PJVK: variants seen among roughly 807,000 people sequenced by gnomAD.
PJVK encodes the protein autosomal recessive deafness type 59 protein.
PJVK carries 33 observed loss-of-function variants against 37.6 expected under a neutral mutation model. The ratio of observed to expected loss-of-function variants is 0.88; its 90% CI spans 0.67 to 1.17. The LOEUF (loss-of-function observed/expected upper bound fraction) is 1.17, where lower values mean the gene tolerates loss of function less well. PJVK is among the 50% of genes most tolerant of loss of function. PJVK has a pLI of 0.00. For synonymous variants in PJVK, 141 were observed against 143.5 expected, an observed-to-expected ratio of 0.98 and a Z score of 0.13; for missense variants, 410 against 413.8, an observed-to-expected ratio of 0.99 and a Z score of 0.08.
At position 178,456,236 on chromosome 2, in the gene PJVK, T is replaced by G. The variant is rs969784158; in HGVS notation, c.549+85T>G. ...AGTATTGAATTTCTAGTCAGGCTTG[T>G]GTATTTTGTGAAATGTTCTGATGAA... On this transcript the variant is annotated intron_variant, in intron 4 of 6. Coordinates refer to ENST00000644580, the MANE Select transcript of PJVK (RefSeq NM_001042702.5). 5.9e-6 allele frequency: 9 copies of G among 1,532,980 alleles called. No homozygotes were observed. The African/African-American group carries it at 1.2e-4, about 21-fold the overall frequency. The allele number at this position is 1,532,980 out of a possible 1,614,324, so 95.0% of individuals were successfully genotyped here.
rs375687411 is a variant in PJVK at position 178,453,544 on chromosome 2, G to A, written c.135G>A (p.Leu45=). The A allele has an allele frequency of 6.2e-7, 1 of 1,614,084 alleles. No homozygotes were observed. Among genetic ancestry groups the A allele is most frequent in the South Asian group, 1.1e-5 (1 of 91,078 alleles). Residue 45 remains leucine (L), a synonymous_variant, in exon 2 of 7, where the codon CTG becomes CTA. Transcript: ENST00000644580. ...TGGTAAAAAAGAAGCGATGCTTTCT[G>A]TTTCCTAGATATAAATTTACTTCAA... ...SLVVKKKRCF[L]FPRYKFTSTP... is the part of the protein sequence containing the mutation.
chr2:178,458,330 G>A (rs1367991041), intron 4 of PJVK, among the ~76,000 whole-genome samples, 180 bp from the exon 5 acceptor site: 1 of 152,148 alleles, frequency 6.6e-6, no homozygotes, highest in Non-Finnish European at 1.5e-5. Flanking sequence ...TAGACCAGGA[G>A]TTTCTGTTGG....
At chr2:178,460,521 G>A in intron 6 of PJVK, 75 bp downstream of exon 6, 2 of 1,337,348 alleles carry the variant, frequency 1.5e-6, no homozygotes, top group East Asian at 2.4e-5. Flanking sequence ...TTTCTATTCA[G>A]TAATCTCATC....
chr2:178,458,670 A>C, intron 5 of PJVK, 43 bp downstream of exon 5: 1 of 1,446,236 alleles, frequency 6.9e-7, no homozygotes. Flanking sequence ...TTATATTTTT[A>C]AGGAGCATTC....
rs1361565579 is a variant in PJVK, at chr2:178,460,428, A to T, written c.748A>T (p.Asn250Tyr). The T allele has an allele frequency of 6.2e-7, 1 of 1,614,082 alleles. No homozygotes were observed. Among genetic ancestry groups the T allele is most frequent in the Non-Finnish European group, 8.5e-7 (1 of 1,179,962 alleles). The stretch of plus-strand genomic sequence containing the variant: ...ATTTGCACTGCTGTACAGGTTGAGA[A>T]ATATCCTATTTGAAAGAAGTATGTT... The part of the protein sequence containing the change: ...ATFALLYRLR[N>Y]ILFERNRRVM... The change falls in exon 6 of 7, where the codon AAT becomes TAT. Residue 250 changes from asparagine (N) to tyrosine (Y), a missense_variant. Physicochemically the swap from Asn to Tyr is moderately radical, Grantham distance 143. Transcript: ENST00000644580.
chr2:178,455,605 G>T (rs906999150), intron 3 of PJVK, among the ~76,000 whole-genome samples: 4 of 149,226 alleles, frequency 2.7e-5, no homozygotes, highest in African/African-American at 7.4e-5. Context: ...GTCCTCCCCA[G>T]TTGGCCTACT....
At chr2:178,459,419 AT>A (rs1206245003) in intron 5 of PJVK, 3 of 314,172 alleles carry the variant, frequency 9.5e-6, no homozygotes, top group Non-Finnish European at 2.0e-5. Context: ...TATATAGTAG[AT>A]TATATATATA....
intron 3 of PJVK, chr2:178,454,747 A>G: frequency 6.4e-7 from 1 of 1,572,586 alleles, no homozygotes; most frequent in East Asian, 2.3e-5. Context: ...CAGATCAAGG[A>G]GCTAACTGAT....
chr2:178,455,960 T>C (rs757280126), intron 3 of PJVK, 50 bp from the exon 4 acceptor site: 12 of 1,596,242 alleles, frequency 7.5e-6, no homozygotes, highest in Non-Finnish European at 1.0e-5. Flanking sequence ...TATTTGATTA[T>C]GTGTAATTAG....
chr2:178,457,556 T>C (rs963477467), intron 4 of PJVK, among the ~76,000 whole-genome samples: 4 of 151,910 alleles, frequency 2.6e-5, no homozygotes, highest in African/African-American at 7.3e-5. Flanking sequence ...TCATTGTCTT[T>C]TAGAATTTGG....
At position 178,451,652 on chromosome 2, in the gene PJVK, C is replaced by G. The variant is rs997832821; in HGVS notation, c.-140C>G. ...ATACGCTCCAGGGGGCTGCGGTGCGCTCTTCGGGTCCCCGAGCCCTGTGTT... is the reference window on the plus strand; with the variant it reads ...ATACGCTCCAGGGGGCTGCGGTGCGGTCTTCGGGTCCCCGAGCCCTGTGTT... On this transcript the variant is annotated 5_prime_UTR_variant, in exon 1 of 7. Coordinates refer to ENST00000644580, the MANE Select transcript of PJVK (RefSeq NM_001042702.5). 4.8e-5 allele frequency: 17 copies of G among 357,856 alleles called. No homozygotes were observed. Among genetic ancestry groups the G allele is most frequent in the Non-Finnish European group, 6.2e-5 (16 of 256,526 alleles). 22.2% of individuals were successfully genotyped at this position (357,856 alleles called of 1,614,324 possible).
intron 4 of PJVK, among the ~76,000 whole-genome samples, chr2:178,458,087 ACTG>A (rs1684245791): frequency 6.6e-6 from 1 of 152,208 alleles, no homozygotes; most frequent in Admixed American, 6.5e-5. Context: ...TGAGGCACAA[ACTG>A]AAACATTTAC....
At position 178,461,923 on chromosome 2, in the gene PJVK, C is replaced by T. The variant is rs1218494991; in HGVS notation, c.*649C>T. ...ATAATTAAGAGATTTTTGTAAATAC[C>T]AATTTTATTTTCAATCAACTTTCAG... On this transcript the variant is annotated 3_prime_UTR_variant, in exon 7 of 7. Coordinates refer to ENST00000644580, the MANE Select transcript of PJVK (RefSeq NM_001042702.5). 1.3e-5 allele frequency among the ~76,000 whole-genome samples: 2 copies of T among 152,066 alleles called. No individual in the cohort carries two copies. The highest frequency in any genetic ancestry group is 1.9e-4 in the East Asian group (1 of 5,204).
At chr2:178,460,486 T>C in intron 6 of PJVK, 40 bp downstream of exon 6, 1 of 1,546,364 alleles carries the variant, frequency 6.5e-7, no homozygotes, top group Non-Finnish European at 8.9e-7. Flanking sequence ...CTTTTTTTTT[T>C]CTTTCCTGGC....
At chr2:178,454,288 T>C (rs1321245934) in intron 2 of PJVK, 44 bp from the exon 3 acceptor site, 4 of 1,519,524 alleles carry the variant, frequency 2.6e-6, no homozygotes. Flanking sequence ...ATAATCTACA[T>C]AAGATAAAGA....
chr2:178,456,062 G>T lies in PJVK; in HGVS notation c.460G>T (p.Ala154Ser). The T allele has an allele frequency of 5.6e-6, 9 of 1,614,182 alleles. No homozygotes were observed. Among genetic ancestry groups the T allele is most frequent in the East Asian group, 2.2e-5 (1 of 44,886 alleles). The change falls in exon 4 of 7, where the codon GCA (alanine) becomes TCA (serine). Residue 154 changes from alanine (A) to serine (S), a missense_variant. Physicochemically the swap from Ala to Ser is moderately conservative, Grantham distance 99. Transcript: ENST00000644580. The part of the protein sequence containing the change: ...LIRQSRSSRK[A>S]VLCVVMESIR... ...ACGTCAGTCAAGGAGCAGCAGAAAG[G>T]CAGTATTGTGTGTGGTCATGGAGAG...
intron 3 of PJVK, chr2:178,455,072 C>A: frequency 1.3e-6 from 2 of 1,482,620 alleles, no homozygotes; most frequent in African/African-American, 1.4e-5. Context: ...GCTCAAGGGG[C>A]AGCCAGCGAT....
chr2:178,457,716 G>A (rs1011196318), intron 4 of PJVK, among the ~76,000 whole-genome samples: 2 of 152,192 alleles, frequency 1.3e-5, no homozygotes, highest in Admixed American at 6.5e-5. Context: ...TGGGCTTCGC[G>A]TCCAACCAGC....
chr2:178,455,135 A>G, intron 3 of PJVK: 2 of 1,601,292 alleles, frequency 1.2e-6, no homozygotes, highest in Non-Finnish European at 1.7e-6. Flanking sequence ...CTCGTGGCTC[A>G]TTGAGGACGG....
Sources: gnomAD v4.1 joint callset for allele counts (sites outside exome capture counted in the v4.1 genomes callset) on GRCh38, gnomAD v4.1.1 for gene constraint, MANE v1.5 for transcripts, NCBI Gene and HGNC (gene_info 2026-07-23, HGNC 2026-07-21) for gene names.